The following ROBO2 variants were observed in gnomAD, a reference collection of about 807,000 sequenced individuals.
ROBO2 encodes roundabout guidance receptor 2, also known as roundabout homolog 2.
In ROBO2, 53 loss-of-function variants were observed where a neutral mutation model predicts 160.8. The ratio of observed to expected loss-of-function variants is 0.33; its 90% confidence interval spans 0.26 to 0.41. The LOEUF (loss-of-function observed/expected upper bound fraction) is 0.41, where lower values mean the gene tolerates loss of function less well. ROBO2 is among the 10% of genes least tolerant of loss of function. ROBO2 has a pLI of 1.00. For synonymous variants in ROBO2, 664 were observed against 611.7 expected (o/e 1.09, Z -1.26); for missense variants, 1,577 against 1,722.4 (o/e 0.92, Z 1.49).
At chr3:75,984,767 G>A (rs2065369416) in intron 2 of ROBO2, among the ~76,000 whole-genome samples, 1 of 151,388 alleles carries the variant, frequency 6.6e-6, no homozygotes, top group South Asian at 2.1e-4. Flanking sequence ...TAGAAGACCT[G>A]AAAATCCAAC....
At chr3:77,412,351 A>C (rs1236696451) in intron 2 of ROBO2, among the ~76,000 whole-genome samples, 2 of 152,238 alleles carry the variant, frequency 1.3e-5, no homozygotes, top group Non-Finnish European at 2.9e-5. Flanking sequence ...CTGAGCTCTA[A>C]GCCAGTATAT....
intron 2 of ROBO2, among the ~76,000 whole-genome samples, chr3:77,273,060 C>A (rs1274356410): frequency 1.3e-5 from 2 of 152,094 alleles, no homozygotes; most frequent in Admixed American, 6.5e-5. Context: ...TCCCATTACT[C>A]AGGTAGTGAG....
At chr3:76,010,098 C>G (rs769056128) in intron 2 of ROBO2, among the ~76,000 whole-genome samples, 1 of 152,192 alleles carries the variant, frequency 6.6e-6, no homozygotes, top group African/African-American at 2.4e-5. Context: ...TTAAAAAATT[C>G]TCCAAGTATG....
At chr3:77,351,253 G>A (rs756670829) in intron 2 of ROBO2, among the ~76,000 whole-genome samples, 8 of 152,020 alleles carry the variant, frequency 5.3e-5, no homozygotes, top group Non-Finnish European at 8.8e-5. Flanking sequence ...AAAAAAGAGC[G>A]ACATAAACAT....
Position 77,617,170 on chromosome 3 carries a change from C to A in ROBO2, c.3294-343C>A, listed in dbSNP as rs1445026992. On this transcript the variant is annotated intron_variant, in intron 21 of 25. Coordinates refer to ENST00000461745, the Ensembl canonical transcript of ROBO2. ...GAACAGGAGAAGGAAGCAGTTAAATCTACAAGCACTAAATTCATTAATTGT... is the reference window on the plus strand; with the variant it reads ...GAACAGGAGAAGGAAGCAGTTAAATATACAAGCACTAAATTCATTAATTGT... Among the ~76,000 whole-genome samples, 4 of 152,264 alleles carry A rather than the reference C, an allele frequency of 2.6e-5. No individual in the cohort carries two copies. The East Asian group carries it at 7.7e-4, about 29-fold the overall frequency.
chr3:76,266,291 A>G (rs1707095744), intron 2 of ROBO2, among the ~76,000 whole-genome samples: 2 of 152,172 alleles, frequency 1.3e-5, no homozygotes, highest in African/African-American at 4.8e-5. Context: ...GAGAATATAG[A>G]AAACTTTTTA....
At chr3:77,467,842 G>A (rs968755690) in intron 2 of ROBO2, among the ~76,000 whole-genome samples, 1 of 152,226 alleles carries the variant, frequency 6.6e-6, no homozygotes, top group East Asian at 1.9e-4. Flanking sequence ...ATTGCTTTGA[G>A]CAAGCCAAGA....
chr3:77,262,691 T>A (rs1050280719), intron 2 of ROBO2, among the ~76,000 whole-genome samples: 2 of 152,042 alleles, frequency 1.3e-5, no homozygotes, highest in South Asian at 4.2e-4. Context: ...AAAAATAATT[T>A]AAAAAAATCC....
At chr3:76,262,419 T>C (rs764834600) in intron 2 of ROBO2, among the ~76,000 whole-genome samples, 1 of 152,024 alleles carries the variant, frequency 6.6e-6, no homozygotes, top group Non-Finnish European at 1.5e-5. Flanking sequence ...AGGACAGAGG[T>C]AAAGTTTTTC....
chr3:77,185,444 C>T (rs190873692), intron 2 of ROBO2, among the ~76,000 whole-genome samples: 27 of 151,954 alleles, frequency 1.8e-4, no homozygotes, highest in African/African-American at 5.8e-4. Context: ...TACATCAAAA[C>T]GTCAGTAACA....
intron 2 of ROBO2, among the ~76,000 whole-genome samples, chr3:76,026,541 C>G (rs1372557867): frequency 6.6e-6 from 1 of 151,822 alleles, no homozygotes; most frequent in Non-Finnish European, 1.5e-5. Context: ...GAAAAACTAT[C>G]AGATAAAATA....
Position 76,638,582 on chromosome 3 carries a change from AATTTTAAATTATTGGGT to A in ROBO2, c.110-459430_110-459414del, listed in dbSNP as rs2090463637. ...GAATTCAGAATGTTTATTTTTTGAA[AATTTTAAATTATTGGGT>A]AAAAGTGGTTTCAATCTATGTTTCC... On this transcript the variant is annotated intron_variant, in intron 2 of 26. Transcript: ENST00000487694. 2.0e-5 allele frequency among the ~76,000 whole-genome samples: 3 copies of A among 152,260 alleles called. No homozygotes were observed. In the South Asian group the frequency reaches 6.2e-4, roughly 32 times the overall value.
chr3:76,517,415 A>G (rs897243129), intron 2 of ROBO2, among the ~76,000 whole-genome samples: 1 of 152,320 alleles, frequency 6.6e-6, no homozygotes, highest in South Asian at 2.1e-4. Flanking sequence ...TAACCTTCAC[A>G]GGAGCACTAA....
In ROBO2 at chr3:77,204,902, C is replaced by T. The variant is rs76676581; in HGVS notation, c.388+106562C>T. ...CTGAAACGCGACAGTCCACTGATTC[C>T]CCTTGCGGGGCCTGTGACAGGGGTG... On this transcript the variant is annotated intron_variant, in intron 2 of 25. Transcript: ENST00000461745. 0.028 allele frequency among the ~76,000 whole-genome samples: 4,207 copies of T among 152,286 alleles called. 300 individuals are homozygous for T. The East Asian group carries it at 0.3, about 11-fold the overall frequency.
At position 76,172,457 on chromosome 3, in the gene ROBO2, A is replaced by C. The variant is rs2073079977; in HGVS notation, c.109+234855A>C. 2.6e-5 allele frequency among the ~76,000 whole-genome samples: 4 copies of C among 151,758 alleles called. No homozygotes were observed. The Middle Eastern group carries it at 0.014, about 516-fold the overall frequency. Reference sequence around the variant, plus strand: ...TAATTAAAAAAAAAAAAAAAAAAGAAAACTACTGCCCATAAAAGGCAAAGC... The same window carrying C: ...TAATTAAAAAAAAAAAAAAAAAAGACAACTACTGCCCATAAAAGGCAAAGC... On this transcript the variant is annotated intron_variant, in intron 2 of 26. Transcript: ENST00000487694.
chr3:76,638,026 G>C (rs2090434069), intron 2 of ROBO2, among the ~76,000 whole-genome samples: 1 of 152,030 alleles, frequency 6.6e-6, no homozygotes, highest in Non-Finnish European at 1.5e-5. Context: ...AAAATCATAG[G>C]GTTCCTTTTT....
At chr3:76,420,036 C>T (rs1428745810) in intron 2 of ROBO2, among the ~76,000 whole-genome samples, 2 of 152,138 alleles carry the variant, frequency 1.3e-5, no homozygotes, top group Non-Finnish European at 2.9e-5. Context: ...TTCATCATAT[C>T]ACAGGTAATA....
intron 2 of ROBO2, among the ~76,000 whole-genome samples, chr3:76,886,269 T>A (rs1179352690): frequency 9.8e-5 from 12 of 122,920 alleles, no homozygotes; most frequent in Middle Eastern, 4.5e-3. Flanking sequence ...AATATATATA[T>A]ATATATAGAC....
At chr3:77,088,617 C>T (rs2069683705) in intron 1 of ROBO2, among the ~76,000 whole-genome samples, 1 of 152,038 alleles carries the variant, frequency 6.6e-6, no homozygotes. Flanking sequence ...CCAATATAGC[C>T]AGTTAGTCTT....
Sources: gnomAD v4.1 joint callset for allele counts (sites outside exome capture counted in the v4.1 genomes callset) on GRCh38, gnomAD v4.1.1 for gene constraint, MANE v1.5 for transcripts, NCBI Gene and HGNC (gene_info 2026-07-23, HGNC 2026-07-21) for gene names.